The following INSL6 variants were observed in gnomAD, a reference collection of about 807,000 sequenced individuals.
INSL6 encodes the protein insulin like 6.
A neutral mutation model predicts 9.4 loss-of-function variants in INSL6; 16 were observed. The observed-to-expected ratio is 1.70, with a 90% CI of 1.15 to 2.59. The LOEUF is 2.59. Among genes scored for constraint, INSL6 ranks in the 30% most tolerant of loss-of-function variants. The probability of loss-of-function intolerance (pLI) is 0.00; values close to 1 mark genes in which losing one functional copy is unlikely to be tolerated. For missense variants in INSL6, 391 were observed against 257.3 expected (o/e 1.52, Z -3.56); for synonymous variants, 154 against 96.9 (o/e 1.59, Z -3.46).
chr9:5,029,943 A>T, the INSL6 span: 1 of 1,535,204 alleles, frequency 6.5e-7, no homozygotes, highest in Non-Finnish European at 8.8e-7. Context: ...TTAATGCTAA[A>T]AGGCAAAATG....
At position 5,185,626 on chromosome 9, in the gene INSL6, C is replaced by A; in HGVS notation, c.-24G>T. The A allele has an allele frequency of 6.2e-7, 1 of 1,600,094 alleles. No homozygotes were observed. Among genetic ancestry groups the A allele is most frequent in the South Asian group, 1.1e-5 (1 of 89,608 alleles). ...ATCCCTGTGACCCCAGGCTAGTCCT[C>A]CGCGTTGTGCAATGGCGGTCGGCCG... is the stretch of plus-strand genomic sequence containing the variant. On this transcript the variant is annotated 5_prime_UTR_variant, in exon 1 of 2. Coordinates refer to ENST00000381641, the MANE Select transcript of INSL6 (RefSeq NM_007179.3).
At chr9:4,999,461 G>T in the INSL6 span, among the ~76,000 whole-genome samples, 1 of 152,184 alleles carries the variant, frequency 6.6e-6, no homozygotes, top group Non-Finnish European at 1.5e-5. Context: ...GGGCAAAAAA[G>T]ATTACAAATG....
the INSL6 span, among the ~76,000 whole-genome samples, chr9:5,002,388 G>T: frequency 3.3e-5 from 5 of 151,616 alleles, no homozygotes; most frequent in East Asian, 9.7e-4. Flanking sequence ...TTTCTTCTTC[G>T]AACCTGGGAT....
the INSL6 span, chr9:5,081,603 G>C: frequency 1.6e-6 from 1 of 644,158 alleles, no homozygotes; most frequent in Non-Finnish European, 2.7e-6. Context: ...AACTATTTGA[G>C]TTTCCCTGTA....
the INSL6 span, among the ~76,000 whole-genome samples, chr9:5,095,869 T>G: frequency 6.6e-6 from 1 of 152,200 alleles, no homozygotes; most frequent in Non-Finnish European, 1.5e-5. Context: ...AACTACCACA[T>G]TTCTAGCACT....
chr9:5,172,132 A>C (rs1825196339), intron 1 of INSL6, among the ~76,000 whole-genome samples: 1 of 152,198 alleles, frequency 6.6e-6, no homozygotes, highest in African/African-American at 2.4e-5. Flanking sequence ...CTGTTACAAA[A>C]ACAGACACCT....
chr9:4,998,213 T>C, the INSL6 span, among the ~76,000 whole-genome samples: 6 of 152,084 alleles, frequency 3.9e-5, no homozygotes, highest in African/African-American at 1.4e-4. Context: ...TGGAATATGA[T>C]GGTATTGAAA....
At chr9:5,175,758 C>T (rs1378119026) in intron 1 of INSL6, among the ~76,000 whole-genome samples, 1 of 152,138 alleles carries the variant, frequency 6.6e-6, no homozygotes, top group African/African-American at 2.4e-5. Flanking sequence ...AGGTTGCACG[C>T]TCCTTATGAG....
At chr9:5,161,536 T>G (rs1490412853), downstream of INSL6, among the ~76,000 whole-genome samples, 1 of 151,970 alleles carries the variant, frequency 6.6e-6, no homozygotes, top group Non-Finnish European at 1.5e-5. Context: ...CCTGACAAGG[T>G]TGTCCCCTTT....
rs895934879 is a variant in INSL6 at position 5,151,770 on chromosome 9, T to C, written c.376+12409A>G. Among the ~76,000 whole-genome samples, 5 of 152,208 alleles carry C rather than the reference T, an allele frequency of 3.3e-5. No homozygotes were observed. In the East Asian group the frequency reaches 7.7e-4, roughly 23 times the overall value. On this transcript the variant is annotated intron_variant, in intron 2 of 3. Coordinates refer to the INSL6 transcript ENST00000649639. ...AGATGGAACACATAAAAAAGCAAGATTGTATATTTAAACACAAATCATATT... is the reference window on the plus strand; with the variant it reads ...AGATGGAACACATAAAAAAGCAAGACTGTATATTTAAACACAAATCATATT...
chr9:5,096,339 C>G, the INSL6 span, among the ~76,000 whole-genome samples: 1 of 152,034 alleles, frequency 6.6e-6, no homozygotes, highest in South Asian at 2.1e-4. Context: ...TGTAACAAAC[C>G]CAAGGACTGC....
At chr9:5,099,379 C>T in the INSL6 span, 6 of 152,294 alleles carry the variant, frequency 3.9e-5, no homozygotes, top group East Asian at 3.9e-4. Context: ...TAAAGATTGA[C>T]GGAGTCTACA....
the INSL6 span, among the ~76,000 whole-genome samples, chr9:5,118,786 T>C: frequency 6.6e-6 from 1 of 152,160 alleles, no homozygotes; most frequent in South Asian, 2.1e-4. Context: ...TAATATACCA[T>C]TAAAAATTAT....
chr9:5,128,922 T>C (rs1294712422), intron 3 of INSL6, among the ~76,000 whole-genome samples: 1 of 152,044 alleles, frequency 6.6e-6, no homozygotes, highest in African/African-American at 2.4e-5. Context: ...TCTGTAACTA[T>C]TCCAGTATAT....
the INSL6 span, chr9:5,112,184 C>A: frequency 6.1e-5 from 16 of 262,526 alleles, no homozygotes; most frequent in Non-Finnish European, 1.2e-4. Flanking sequence ...CGGGCGCTGG[C>A]CTTGGGCTTC....
chr9:5,073,534 G>A, the INSL6 span, among the ~76,000 whole-genome samples: 5 of 152,132 alleles, frequency 3.3e-5, no homozygotes, highest in Admixed American at 3.3e-4. Flanking sequence ...GAACGTTGAT[G>A]GCAGTTGCAG....
chr9:5,130,466 A>C (rs1352996948), intron 3 of INSL6, among the ~76,000 whole-genome samples: 1 of 152,216 alleles, frequency 6.6e-6, no homozygotes, highest in Non-Finnish European at 1.5e-5. Context: ...CTAAGAAGGC[A>C]AATTATCAGT....
chr9:5,064,110 C>G, the INSL6 span, among the ~76,000 whole-genome samples: 1 of 151,986 alleles, frequency 6.6e-6, no homozygotes, highest in Non-Finnish European at 1.5e-5. Context: ...GAGCCAAGAT[C>G]GCGCCATTGC....
the INSL6 span, among the ~76,000 whole-genome samples, chr9:5,030,920 G>A: frequency 1.4e-4 from 22 of 152,094 alleles, no homozygotes; most frequent in South Asian, 3.3e-3. Context: ...AATAATAGAT[G>A]TACAAAAATC....
Sources: gnomAD v4.1 joint callset for allele counts (sites outside exome capture counted in the v4.1 genomes callset) on GRCh38, gnomAD v4.1.1 for gene constraint, MANE v1.5 for transcripts, NCBI Gene and HGNC (gene_info 2026-07-23, HGNC 2026-07-21) for gene names.